VPS13B: variants seen among roughly 807,000 people sequenced by gnomAD.
VPS13B encodes the protein intermembrane lipid transfer protein VPS13B.
Under a neutral mutation model 426.4 loss-of-function variants are expected in VPS13B, and 285 were observed. The ratio of observed to expected loss-of-function variants is 0.67; its 90% CI spans 0.61 to 0.74. VPS13B has a LOEUF of 0.74. VPS13B is among the 30% of genes least tolerant of loss of function. The probability of loss-of-function intolerance (pLI) is 0.00; values close to 1 mark genes in which losing one functional copy is unlikely to be tolerated. For missense variants in VPS13B, 4,537 were observed against 4,782.6 expected, an observed-to-expected ratio of 0.95 and a Z score of 1.51; for synonymous variants, 1,676 against 1,676.4, an observed-to-expected ratio of 1.00 and a Z score of 0.01.
chr8:99,577,564 A>G lies in VPS13B; in HGVS notation c.5151A>G (p.Gln1717=). Residue 1717 remains glutamine (Q), a synonymous_variant, in exon 33 of 62, where the codon CAA becomes CAG. Coordinates refer to ENST00000357162, the MANE Select transcript of VPS13B (RefSeq NM_152564.5). ...TGGACTTCTTCCTAAGTGTGGCTCAAGTTCAACTCTTACATCAGTTAATAG... is the reference window on the plus strand; with the variant it reads ...TGGACTTCTTCCTAAGTGTGGCTCAGGTTCAACTCTTACATCAGTTAATAG... ...TNLDFFLSVA[Q]VQLLHQLIVA... The G allele has an allele frequency of 6.2e-7, 1 of 1,613,910 alleles. No homozygotes were observed.
chr8:99,667,298 C>CGT (rs5893496), intron 35 of VPS13B, among the ~76,000 whole-genome samples: 49 of 152,070 alleles, frequency 3.2e-4, no homozygotes, highest in Middle Eastern at 3.4e-3. Flanking sequence ...AAAAATTATA[C>CGT]ATGACTTATC....
intron 44 of VPS13B, among the ~76,000 whole-genome samples, chr8:99,812,267 A>G (rs1455744134): frequency 6.6e-6 from 1 of 151,958 alleles, no homozygotes; most frequent in Non-Finnish European, 1.5e-5. Context: ...TAGCGTTCAG[A>G]TTTGTTCTGG....
At chr8:99,695,803 G>C (rs139518763) in intron 35 of VPS13B, among the ~76,000 whole-genome samples, 1 of 152,000 alleles carries the variant, frequency 6.6e-6, no homozygotes. Context: ...AGAGAGCCTG[G>C]GTATCCAGGA....
intron 3 of VPS13B, among the ~76,000 whole-genome samples, chr8:99,057,523 G>A (rs10113197): frequency 0.74 from 111,703 of 151,910 alleles, 41,793 homozygotes; most frequent in South Asian, 0.87. Flanking sequence ...GTAGGTTTTC[G>A]TTATTTTAGT....
intron 9 of VPS13B, 129 bp downstream of exon 9, chr8:99,134,856 T>A: frequency 8.5e-7 from 1 of 1,180,894 alleles, no homozygotes; most frequent in East Asian, 2.6e-5. Context: ...TTTAATAGAG[T>A]TTACTATCTC....
chr8:99,642,355 G>C lies in VPS13B; in HGVS notation c.5765G>C (p.Gly1922Ala). The C allele has an allele frequency of 1.2e-6, 2 of 1,614,156 alleles. No homozygotes were observed. Among genetic ancestry groups the C allele is most frequent in the Middle Eastern group, 1.7e-4 (1 of 6,060 alleles). The change falls in exon 34 of 62, where the codon GGT (glycine) becomes GCT (alanine). Residue 1922 changes from glycine to alanine, a missense_variant. Coordinates refer to ENST00000357162, the MANE Select transcript of VPS13B (RefSeq NM_152564.5). ...IVRQPGRRGT[G>A]DLQLEPFLYF... ...CGGCAGCCTGGTCGAAGAGGAACTG[G>C]TGACTTACAGCTAGAGCCTTTTCTG...
chr8:99,080,409 G>C, intron 3 of VPS13B, among the ~76,000 whole-genome samples: 1 of 152,022 alleles, frequency 6.6e-6, no homozygotes, highest in Admixed American at 6.6e-5. Flanking sequence ...CTTTTAATCA[G>C]TGGGGTTTGT....
rs1021347184 is a variant in VPS13B at position 99,806,537 on chromosome 8, C to T, written c.7942-2838C>T. Among the ~76,000 whole-genome samples, 6 of 152,162 alleles carry T rather than the reference C, an allele frequency of 3.9e-5. No individual in the cohort carries two copies. In the South Asian group the frequency reaches 6.2e-4, roughly 16 times the overall value. On this transcript the variant is annotated intron_variant, in intron 43 of 61. Coordinates refer to ENST00000357162, the MANE Select transcript of VPS13B (RefSeq NM_152564.5). ...CTTATTTTCCCTATGTGATCATAAG[C>T]TCCTTGTGGGGCAAAGAACATATCT...
At chr8:99,279,213 G>A (rs1588203027) in intron 19 of VPS13B, among the ~76,000 whole-genome samples, 1 of 152,136 alleles carries the variant, frequency 6.6e-6, no homozygotes, top group African/African-American at 2.4e-5. Flanking sequence ...ACTGTAGCCT[G>A]GGTGACAGAA....
At chr8:99,145,100 C>G (rs1810639390) in intron 13 of VPS13B, among the ~76,000 whole-genome samples, 1 of 152,060 alleles carries the variant, frequency 6.6e-6, no homozygotes, top group Non-Finnish European at 1.5e-5. Context: ...AGCTGAAGCA[C>G]AATAAATGTT....
intron 29 of VPS13B, among the ~76,000 whole-genome samples, chr8:99,515,112 A>T (rs549725190): frequency 6.6e-6 from 1 of 152,332 alleles, no homozygotes; most frequent in East Asian, 1.9e-4. Flanking sequence ...TTTCACTGAT[A>T]TGTTTGTGAC....
At chr8:99,015,490 A>C (rs1841566159) in intron 2 of VPS13B, among the ~76,000 whole-genome samples, 1 of 151,436 alleles carries the variant, frequency 6.6e-6, no homozygotes, top group Admixed American at 6.6e-5. Context: ...TGCTGGGATT[A>C]CAGGCATGAG....
intron 36 of VPS13B, among the ~76,000 whole-genome samples, chr8:99,706,085 G>A (rs75004822): frequency 0.038 from 5,792 of 151,984 alleles, 165 homozygotes; most frequent in Middle Eastern, 0.075. Flanking sequence ...AGAATTCCTG[G>A]CCTAAACTAT....
intron 33 of VPS13B, among the ~76,000 whole-genome samples, chr8:99,591,161 C>CT (rs1408870886): frequency 2.9e-5 from 4 of 137,816 alleles, no homozygotes; most frequent in African/African-American, 1.1e-4. Flanking sequence ...ATTGCAACCG[C>CT]TCCTTTTTTT....
At chr8:99,802,129 A>G (rs1813155347) in intron 43 of VPS13B, among the ~76,000 whole-genome samples, 1 of 151,986 alleles carries the variant, frequency 6.6e-6, no homozygotes, top group Non-Finnish European at 1.5e-5. Flanking sequence ...AAGTCTGGGC[A>G]ATAAAGGGAA....
rs530211944 is a variant in VPS13B, at chr8:99,271,803, A to G, written c.2516-2395A>G. On this transcript the variant is annotated intron_variant, in intron 17 of 61. Coordinates refer to ENST00000357162, the MANE Select transcript of VPS13B (RefSeq NM_152564.5). Reference sequence around the variant, plus strand: ...TAGATCTTGTGAGAACTCCCTCACTATCATGAGAACAGCATGAGGGAAACT... The same window carrying G: ...TAGATCTTGTGAGAACTCCCTCACTGTCATGAGAACAGCATGAGGGAAACT... Among the ~76,000 whole-genome samples the G allele has an allele frequency of 3.2e-4, 48 of 152,334 alleles. No homozygotes were observed. The South Asian group carries it at 9.1e-3, about 29-fold the overall frequency.
chr8:99,397,630 C>T (rs1238263681), intron 21 of VPS13B, among the ~76,000 whole-genome samples: 10 of 152,162 alleles, frequency 6.6e-5, no homozygotes, highest in Admixed American at 6.5e-4. Context: ...TAAGCACGCA[C>T]CCTAAAGCTA....
intron 17 of VPS13B, among the ~76,000 whole-genome samples, chr8:99,257,737 A>G (rs1219393338): frequency 6.7e-6 from 1 of 150,234 alleles, no homozygotes; most frequent in African/African-American, 2.4e-5. Flanking sequence ...AATAGACTCT[A>G]TGTTTCCTGT....
chr8:99,635,484 A>G lies in VPS13B; in HGVS notation c.5221-6327A>G, dbSNP rs2133919032. Among the ~76,000 whole-genome samples the G allele has an allele frequency of 2.0e-5, 3 of 152,152 alleles. No individual in the cohort carries two copies. In the Middle Eastern group the frequency reaches 0.01, roughly 518 times the overall value. On this transcript the variant is annotated intron_variant, in intron 33 of 61. Coordinates refer to ENST00000357162, the MANE Select transcript of VPS13B (RefSeq NM_152564.5). ...TAGGAAGTTAGAAGAAATTTTGGATATGCATATGTTTGGTATATAGTAAGT... is the reference window on the plus strand; with the variant it reads ...TAGGAAGTTAGAAGAAATTTTGGATGTGCATATGTTTGGTATATAGTAAGT...
Sources: allele counts gnomAD v4.1 joint callset (sites outside exome capture counted in the v4.1 genomes callset), GRCh38; gene constraint gnomAD v4.1.1; transcripts MANE v1.5; gene names NCBI Gene and HGNC (gene_info 2026-07-23, HGNC 2026-07-21).